The following RABGAP1L variants were observed in gnomAD, a reference collection of about 807,000 sequenced individuals.
RABGAP1L encodes the protein rab GTPase-activating protein 1-like.
Under a neutral mutation model 137.7 loss-of-function variants are expected in RABGAP1L, and 63 were observed. The ratio of observed to expected loss-of-function variants is 0.46; its 90% confidence interval spans 0.37 to 0.56. RABGAP1L has a LOEUF of 0.56. RABGAP1L is among the 20% of genes least tolerant of loss of function. The pLI, the probability that RABGAP1L is intolerant of heterozygous loss-of-function variation, is 0.00. For synonymous variants in RABGAP1L, 431 were observed against 433.7 expected (o/e 0.99, Z 0.08); for missense variants, 1,095 against 1,244.0 (o/e 0.88, Z 1.80).
chr1:174,834,426 GAAAAAA>G (rs67502774), intron 19 of RABGAP1L, among the ~76,000 whole-genome samples: 1 of 129,642 alleles, frequency 7.7e-6, no homozygotes, highest in Non-Finnish European at 1.6e-5. Flanking sequence ...AACTCCGTCT[GAAAAAA>G]AAAAAAAAAA....
chr1:174,944,558 G>A (rs528547441), intron 19 of RABGAP1L, among the ~76,000 whole-genome samples: 2 of 150,842 alleles, frequency 1.3e-5, no homozygotes, highest in African/African-American at 2.4e-5. Flanking sequence ...GATTTCTTGA[G>A]CCTGGAAAGT....
Position 174,728,233 on chromosome 1 carries a change from A to C in RABGAP1L, c.2170-24080A>C, listed in dbSNP as rs763022702. On this transcript the variant is annotated intron_variant, in intron 17 of 25. Transcript: ENST00000681986. ...TTAAATTGCTTTAAATTTTTACAGC[A>C]TTAAAAAATGAAAAGCTAAACAAAT... Among the ~76,000 whole-genome samples the C allele has an allele frequency of 2.0e-5, 3 of 152,226 alleles. No homozygotes were observed. In the South Asian group the frequency reaches 6.2e-4, roughly 31 times the overall value.
chr1:174,631,797 G>GCA (rs1673409212), intron 13 of RABGAP1L, among the ~76,000 whole-genome samples: 1 of 150,716 alleles, frequency 6.6e-6, no homozygotes, highest in Admixed American at 6.6e-5. Context: ...CTCTGCACGT[G>GCA]AGATGGGTTT....
chr1:174,301,309 G>T (rs1340875538), intron 10 of RABGAP1L, among the ~76,000 whole-genome samples: 1 of 150,992 alleles, frequency 6.6e-6, no homozygotes, highest in East Asian at 2.0e-4. Flanking sequence ...CCCTGAGGGG[G>T]TGTTACAGCA....
At position 174,992,715 on chromosome 1, in the gene RABGAP1L, G is replaced by A; in HGVS notation, c.*2714G>A. On this transcript the variant is annotated 3_prime_UTR_variant, in exon 26 of 26. Transcript: ENST00000681986. ...ATTGTTCATACAATATGTTATAATAGCAATATTCCAAACAATATGTCCTTC... is the reference window on the plus strand; with the variant it reads ...ATTGTTCATACAATATGTTATAATAACAATATTCCAAACAATATGTCCTTC... The A allele has an allele frequency of 6.6e-6, 1 of 152,036 alleles. No individual in the cohort carries two copies. Among genetic ancestry groups the A allele is most frequent in the East Asian group, 1.9e-4 (1 of 5,186 alleles). The allele number at this position is 152,036 out of a possible 1,614,324, so 9.4% of individuals were successfully genotyped here.
intron 20 of RABGAP1L, among the ~76,000 whole-genome samples, chr1:174,964,001 C>A (rs1669398482): frequency 6.6e-6 from 1 of 152,060 alleles, no homozygotes; most frequent in Admixed American, 6.5e-5. Flanking sequence ...TGAAATTTTC[C>A]ACTACAAAGA....
chr1:174,212,250 C>CA (rs1414676265), intron 1 of RABGAP1L, among the ~76,000 whole-genome samples: 1 of 151,844 alleles, frequency 6.6e-6, no homozygotes, highest in Admixed American at 6.5e-5. Flanking sequence ...TTTAAAACAT[C>CA]AAAAAAAGAA....
chr1:174,449,065 C>T (rs1453808503), intron 13 of RABGAP1L: 1 of 1,613,972 alleles, frequency 6.2e-7, no homozygotes, highest in Non-Finnish European at 8.5e-7. Context: ...TAATATACAG[C>T]CTCTCCAACA....
intron 14 of RABGAP1L, among the ~76,000 whole-genome samples, chr1:174,649,619 T>C (rs1213872076): frequency 1.3e-5 from 2 of 152,020 alleles, no homozygotes; most frequent in African/African-American, 4.8e-5. Context: ...CTTTCACTCA[T>C]GATTTGGCTC....
At chr1:174,346,573 G>A (rs1474863889) in intron 11 of RABGAP1L, among the ~76,000 whole-genome samples, 1 of 151,942 alleles carries the variant, frequency 6.6e-6, no homozygotes, top group Non-Finnish European at 1.5e-5. Flanking sequence ...AATATCTGCA[G>A]TATTGGTTGT....
chr1:174,250,164 C>T (rs1039563021), intron 5 of RABGAP1L, among the ~76,000 whole-genome samples: 13 of 152,180 alleles, frequency 8.5e-5, no homozygotes, highest in Middle Eastern at 3.4e-3. Flanking sequence ...ACTTCTTAAG[C>T]GATATTTCTT....
chr1:174,463,614 A>G (rs926444712), intron 13 of RABGAP1L, among the ~76,000 whole-genome samples: 7 of 152,096 alleles, frequency 4.6e-5, no homozygotes, highest in African/African-American at 1.7e-4. Context: ...ATACATATGT[A>G]ACTAACCTGT....
chr1:174,935,266 C>T (rs560501289), intron 19 of RABGAP1L: 1 of 152,270 alleles, frequency 6.6e-6, no homozygotes, highest in Admixed American at 6.5e-5. Flanking sequence ...TGTCTTACTG[C>T]AAAATTTTTG....
intron 19 of RABGAP1L, among the ~76,000 whole-genome samples, chr1:174,939,422 G>C (rs1228834235): frequency 6.6e-6 from 1 of 152,032 alleles, no homozygotes; most frequent in African/African-American, 2.4e-5. Context: ...GCTGGGTGTG[G>C]TGGTGCGTGC....
At chr1:174,576,676 A>G (rs936908816) in intron 13 of RABGAP1L, among the ~76,000 whole-genome samples, 3 of 152,180 alleles carry the variant, frequency 2.0e-5, no homozygotes, top group Non-Finnish European at 4.4e-5. Context: ...ATGTTTAAGT[A>G]TGGTTCCCTG....
intron 1 of RABGAP1L, among the ~76,000 whole-genome samples, chr1:174,165,445 C>T (rs1050818892): frequency 1.8e-4 from 27 of 151,916 alleles, no homozygotes; most frequent in Admixed American, 2.6e-4. Flanking sequence ...CCACCGTGCC[C>T]GGTCTACTTT....
At chr1:174,274,199 A>G (rs891189670) in intron 8 of RABGAP1L, among the ~76,000 whole-genome samples, 3 of 152,132 alleles carry the variant, frequency 2.0e-5, no homozygotes, top group African/African-American at 7.2e-5. Flanking sequence ...TACTCCTTCT[A>G]TGACACTCCC....
At chr1:174,855,387 T>C (rs1339264244) in intron 19 of RABGAP1L, among the ~76,000 whole-genome samples, 4 of 152,202 alleles carry the variant, frequency 2.6e-5, no homozygotes, top group Non-Finnish European at 5.9e-5. Flanking sequence ...TTGTGCTCTG[T>C]GGAACACTAG....
intron 19 of RABGAP1L, among the ~76,000 whole-genome samples, chr1:174,889,618 G>A (rs182170914): frequency 3.8e-4 from 58 of 151,956 alleles, no homozygotes; most frequent in African/African-American, 1.4e-3. Context: ...TGTAGAGATG[G>A]GGGTGTCTCA....
Sources: gnomAD v4.1 joint callset for allele counts (sites outside exome capture counted in the v4.1 genomes callset) on GRCh38, gnomAD v4.1.1 for gene constraint, MANE v1.5 for transcripts, NCBI Gene and HGNC (gene_info 2026-07-23, HGNC 2026-07-21) for gene names.